WDR12: variants seen among roughly 807,000 people sequenced by gnomAD.
WDR12 encodes the protein WD repeat domain 12.
A neutral mutation model predicts 64.3 loss-of-function variants in WDR12; 42 were observed. The ratio of observed to expected loss-of-function variants is 0.65; its 90% CI spans 0.51 to 0.84. The LOEUF is 0.84. WDR12 is among the 40% of genes least tolerant of loss of function. The pLI is 0.00. For synonymous variants in WDR12, 158 were observed against 173.3 expected (o/e 0.91, Z 0.70); for missense variants, 469 against 494.6 (o/e 0.95, Z 0.49).
At chr2:202,895,825 C>T (rs906098743) in intron 6 of WDR12, among the ~76,000 whole-genome samples, 3 of 151,874 alleles carry the variant, frequency 2.0e-5, no homozygotes, top group Non-Finnish European at 2.9e-5. Context: ...CCACCGCGCC[C>T]GGCCCATACC....
chr2:202,896,328 T>C lies in WDR12; in HGVS notation c.455-109A>G, dbSNP rs1385661292. ...TTTTTTGTTGTTATTGAAAAAGATG[T>C]TAAAAAGATAACTCATATGGCCAGG... On this transcript the variant is annotated intron_variant, in intron 5 of 12. Transcript: ENST00000261015. 2.4e-6 allele frequency: 3 copies of C among 1,246,266 alleles called. No individual in the cohort carries two copies. The East Asian group carries it at 7.7e-5, about 32-fold the overall frequency. 77.2% of individuals were successfully genotyped at this position (1,246,266 alleles called of 1,614,324 possible).
chr2:202,903,318 A>AT (rs922846306), intron 2 of WDR12, among the ~76,000 whole-genome samples: 1 of 152,178 alleles, frequency 6.6e-6, no homozygotes, highest in African/African-American at 2.4e-5. Flanking sequence ...TTCATATATA[A>AT]TAGACCCCCA....
chr2:202,904,138 CAAAAA>C (rs34378996), intron 2 of WDR12, among the ~76,000 whole-genome samples: 1 of 38,534 alleles, frequency 2.6e-5, no homozygotes, highest in Non-Finnish European at 4.1e-5. Context: ...AACTCTGTCT[CAAAAA>C]AAAAAAAAAA....
At chr2:202,907,537 G>A (rs1574412278) in intron 2 of WDR12, among the ~76,000 whole-genome samples, 1 of 152,048 alleles carries the variant, frequency 6.6e-6, no homozygotes, top group Non-Finnish European at 1.5e-5. Context: ...CTTGTTTTAT[G>A]CCTGCATAAC....
chr2:202,897,999 A>T (rs903728989), intron 4 of WDR12, among the ~76,000 whole-genome samples: 3 of 148,636 alleles, frequency 2.0e-5, no homozygotes, highest in African/African-American at 7.4e-5. Context: ...TATGAAACAT[A>T]AATGAATTTC....
At chr2:202,882,852 T>TAA (rs2105902590) in intron 11 of WDR12, 69 bp from the exon 12 acceptor site, 1 of 1,498,542 alleles carries the variant, frequency 6.7e-7, no homozygotes, top group East Asian at 2.3e-5. Flanking sequence ...AATAATCACT[T>TAA]ATACTTATCT....
intron 4 of WDR12, among the ~76,000 whole-genome samples, chr2:202,897,628 G>A (rs1216889190): frequency 6.8e-6 from 1 of 147,838 alleles, no homozygotes; most frequent in Non-Finnish European, 1.5e-5. Flanking sequence ...GGTGGCTCAC[G>A]CCTGTAATCC....
intron 6 of WDR12, among the ~76,000 whole-genome samples, chr2:202,895,439 GAT>G (rs537548641): frequency 1.1e-3 from 166 of 151,626 alleles, no homozygotes; most frequent in African/African-American, 3.8e-3. Flanking sequence ...AAGAGTAGCT[GAT>G]ATAGACTGGA....
intron 8 of WDR12, among the ~76,000 whole-genome samples, chr2:202,885,185 C>T (rs1688024175): frequency 6.6e-6 from 1 of 152,186 alleles, no homozygotes; most frequent in Non-Finnish European, 1.5e-5. Context: ...GAGGCATATG[C>T]AGTTAACACT....
intron 2 of WDR12, among the ~76,000 whole-genome samples, chr2:202,906,003 T>C (rs1249671720): frequency 1.3e-5 from 2 of 152,160 alleles, no homozygotes; most frequent in African/African-American, 4.8e-5. Flanking sequence ...AATTATACAT[T>C]TAAAAACAAC....
intron 6 of WDR12, among the ~76,000 whole-genome samples, chr2:202,895,078 T>C (rs752330364): frequency 1.3e-5 from 2 of 152,320 alleles, no homozygotes; most frequent in South Asian, 2.1e-4. Flanking sequence ...GTTAATCCAC[T>C]AAAGTTTGGA....
chr2:202,902,762 G>A (rs762182087), intron 2 of WDR12, among the ~76,000 whole-genome samples: 7 of 152,104 alleles, frequency 4.6e-5, no homozygotes, highest in South Asian at 2.1e-4. Context: ...ACAGCCTATC[G>A]TAGGACTTCA....
In WDR12 at chr2:202,911,553, G is replaced by C; in HGVS notation, c.-77C>G. 7.3e-7 allele frequency: 1 copy of C among 1,376,662 alleles called. No homozygotes were observed. The allele number at this position is 1,376,662 out of a possible 1,614,324, so 85.3% of individuals were successfully genotyped here. On this transcript the variant is annotated 5_prime_UTR_variant, in exon 1 of 13. Transcript: ENST00000261015. Reference sequence around the variant, plus strand: ...ACAACACGAAGCTCCTGCCTTTTAAGACTACAAAGAGGCAGCTCAAAATTA... The same window carrying C: ...ACAACACGAAGCTCCTGCCTTTTAACACTACAAAGAGGCAGCTCAAAATTA...
intron 3 of WDR12, among the ~76,000 whole-genome samples, chr2:202,900,563 G>A (rs547610407): frequency 1.3e-5 from 2 of 151,978 alleles, no homozygotes; most frequent in African/African-American, 2.4e-5. Flanking sequence ...CACAAAACAA[G>A]CAACAATTAT....
intron 2 of WDR12, among the ~76,000 whole-genome samples, chr2:202,904,008 G>A (rs1221767978): frequency 1.3e-5 from 2 of 151,492 alleles, no homozygotes; most frequent in East Asian, 3.9e-4. Flanking sequence ...CGTGGTGGCA[G>A]GCACCTGTAA....
At chr2:202,896,293 A>C in intron 5 of WDR12, 74 bp from the exon 6 acceptor site, 1 of 1,459,566 alleles carries the variant, frequency 6.9e-7, no homozygotes, top group African/African-American at 1.4e-5. Context: ...CTGAAACCAA[A>C]GAACTAAATT....
In WDR12 at chr2:202,883,747, C is replaced by T. The variant is rs1240715566; in HGVS notation, c.989-6G>A. Reference sequence around the variant, plus strand: ...CAGCGACACCAAAGAACCATCTGAACAAAGCAAAAAAGACAAGCGTTGAAT... The same window carrying T: ...CAGCGACACCAAAGAACCATCTGAATAAAGCAAAAAAGACAAGCGTTGAAT... On this transcript the variant is annotated splice_region_variant and splice_polypyrimidine_tract_variant and intron_variant, in intron 10 of 12. Transcript: ENST00000261015. The T allele has an allele frequency of 6.2e-7, 1 of 1,606,766 alleles. No individual in the cohort carries two copies. Among genetic ancestry groups the T allele is most frequent in the South Asian group, 1.1e-5 (1 of 89,914 alleles).
At position 202,878,614 on chromosome 2, in the gene WDR12, A is replaced by G. The variant is rs1337494401; in HGVS notation, c.*2246T>C. ...TCCTAAAGAATGTGGAACAAAACCT[A>G]CATCAGCCCTGGACTGCCTCTGGTT... On this transcript the variant is annotated 3_prime_UTR_variant, in exon 13 of 13. Coordinates refer to ENST00000261015, the MANE Select transcript of WDR12 (RefSeq NM_018256.4). 6.6e-6 allele frequency: 1 copy of G among 152,240 alleles called. No homozygotes were observed. The highest frequency in any genetic ancestry group is 2.4e-5 in the African/African-American group (1 of 41,458). The allele number at this position is 152,240 out of a possible 1,614,324, so 9.4% of individuals were successfully genotyped here. A position where few individuals can be genotyped will look rare whatever the true frequency, so the allele number is the denominator to read the frequency against.
chr2:202,883,765 C>A (rs780900153), intron 10 of WDR12, 24 bp from the exon 11 acceptor site: 1 of 1,599,526 alleles, frequency 6.3e-7, no homozygotes, highest in Non-Finnish European at 8.5e-7. Flanking sequence ...AAAAGACAAG[C>A]GTTGAATTTT....
Sources: allele counts gnomAD v4.1 joint callset (sites outside exome capture counted in the v4.1 genomes callset), GRCh38; gene constraint gnomAD v4.1.1; transcripts MANE v1.5; gene names NCBI Gene and HGNC (gene_info 2026-07-23, HGNC 2026-07-21).